The following HSBP1 variants were observed in gnomAD, a reference collection of about 807,000 sequenced individuals.
The protein encoded by HSBP1 is heat shock factor binding protein 1, also known as heat shock factor-binding protein 1.
Under a neutral mutation model 9.6 loss-of-function variants are expected in HSBP1, and 5 were observed. The ratio of observed to expected loss-of-function variants is 0.52; its 90% CI spans 0.27 to 1.09. The LOEUF (loss-of-function observed/expected upper bound fraction) is 1.09. Ranked by LOEUF, HSBP1 falls within the 50% of genes least tolerant of loss-of-function variation. The probability of loss-of-function intolerance (pLI) is 0.11; values close to 1 mark genes in which losing one functional copy is unlikely to be tolerated. For synonymous variants in HSBP1, 42 were observed against 33.3 expected (o/e 1.26, Z -0.90); for missense variants, 121 against 96.3 (o/e 1.26, Z -1.07).
In HSBP1 at chr16:83,818,096, T is replaced by C. The variant is rs566705012; in HGVS notation, c.*6678T>C. 1.4e-4 allele frequency: 21 copies of C among 152,276 alleles called. No homozygotes were observed. Among genetic ancestry groups the C allele is most frequent in the African/African-American group, 5.1e-4 (21 of 41,546 alleles). The allele number at this position is 152,276 out of a possible 1,614,324, so 9.4% of individuals were successfully genotyped here. ...GTCTTGCTTGTAGAATTTTAGAGGT[T>C]CATGGTTACCGTGGGTCGGCACTGG... On this transcript the variant is annotated 3_prime_UTR_variant, in exon 4 of 4. Coordinates refer to ENST00000433866, the MANE Select transcript of HSBP1 (RefSeq NM_001537.4).
At position 83,808,722 on chromosome 16, in the gene HSBP1, A is replaced by T; in HGVS notation, c.88A>T (p.Met30Leu). The stretch of plus-strand genomic sequence containing the variant: ...GCAGATGCAAGATAAATTTCAGACC[A>T]TGTCTGACCAGATCATTGGGAGAAA... ...LQQMQDKFQT[M>L]SDQIIGRIDD... The change falls in exon 2 of 4, where the codon ATG (methionine) becomes TTG (leucine). Residue 30 changes from methionine (M) to leucine (L), a missense_variant. Physicochemically the swap from Met to Leu is conservative, Grantham distance 15 (BLOSUM62 2). Transcript: ENST00000433866. The T allele has an allele frequency of 6.2e-7, 1 of 1,612,246 alleles. No individual in the cohort carries two copies.
chr16:83,808,593 ACCCCGGGACCAGGGCTTGCGT>A, intron 1 of HSBP1, 66 bp from the exon 2 acceptor site: 2 of 1,040,730 alleles, frequency 1.9e-6, no homozygotes, highest in Non-Finnish European at 2.9e-6. Context: ...TGGGGCTGGA[ACCCCGGGACCAGGGCTTGCGT>A]CCTGATCCCA....
rs563661998 is a variant in HSBP1, at chr16:83,815,572, G to C, written c.*4154G>C. 4.0e-5 allele frequency: 6 copies of C among 151,298 alleles called. No individual in the cohort carries two copies. The highest frequency in any genetic ancestry group is 2.0e-4 in the East Asian group (1 of 5,124). 9.4% of individuals were successfully genotyped at this position (151,298 alleles called of 1,614,324 possible). ...TCCTCACACCTGAGGCTCTCACTAA[G>C]AGGTGGCTGGAAGCTCCTCAGACCG... On this transcript the variant is annotated 3_prime_UTR_variant, in exon 4 of 4. Transcript: ENST00000433866.
At position 83,808,026 on chromosome 16, in the gene HSBP1, G is replaced by C; in HGVS notation, c.-51G>C. 6.8e-7 allele frequency: 1 copy of C among 1,475,466 alleles called. No homozygotes were observed. The highest frequency in any genetic ancestry group is 9.1e-7 in the Non-Finnish European group (1 of 1,104,052). The allele number at this position is 1,475,466 out of a possible 1,614,324, so 91.4% of individuals were successfully genotyped here. A position where few individuals can be genotyped will look rare whatever the true frequency, so the allele number is the denominator to read the frequency against. The stretch of plus-strand genomic sequence containing the variant: ...CCCGGGGCGACTGAGCGGACAAACG[G>C]AAGTGTAGGTTACGGTCTGAGACAT... On this transcript the variant is annotated 5_prime_UTR_variant, in exon 1 of 4. Coordinates refer to ENST00000433866, the MANE Select transcript of HSBP1 (RefSeq NM_001537.4).
rs1181315955 is a variant in HSBP1 at position 83,815,555 on chromosome 16, C to G, written c.*4137C>G. The G allele has an allele frequency of 6.6e-6, 1 of 151,956 alleles. No homozygotes were observed. Among genetic ancestry groups the G allele is most frequent in the Middle Eastern group, 3.4e-3 (1 of 294 alleles). The allele number at this position is 151,956 out of a possible 1,614,324, so 9.4% of individuals were successfully genotyped here. ...CGGATCCTAACGCTTGGTCCTCACA[C>G]CTGAGGCTCTCACTAAGAGGTGGCT... On this transcript the variant is annotated 3_prime_UTR_variant, in exon 4 of 4. Coordinates refer to ENST00000433866, the MANE Select transcript of HSBP1 (RefSeq NM_001537.4).
At position 83,812,371 on chromosome 16, in the gene HSBP1, T is replaced by G. The variant is rs1904620286; in HGVS notation, c.*953T>G. The G allele has an allele frequency of 6.6e-6, 1 of 152,340 alleles. No individual in the cohort carries two copies. The highest frequency in any genetic ancestry group is 1.5e-5 in the Non-Finnish European group (1 of 68,040). The allele number at this position is 152,340 out of a possible 1,614,324, so 9.4% of individuals were successfully genotyped here. On this transcript the variant is annotated 3_prime_UTR_variant, in exon 4 of 4. Coordinates refer to ENST00000433866, the MANE Select transcript of HSBP1 (RefSeq NM_001537.4). ...TTACTTAAACTGTTTCTTATCTAAATTCTTGCAGAGTGTCAATGTTATCAT... is the reference window on the plus strand; with the variant it reads ...TTACTTAAACTGTTTCTTATCTAAAGTCTTGCAGAGTGTCAATGTTATCAT...
At position 83,813,124 on chromosome 16, in the gene HSBP1, TG is replaced by T; in HGVS notation, c.*1711del. On this transcript the variant is annotated 3_prime_UTR_variant, in exon 4 of 4. Coordinates refer to ENST00000433866, the MANE Select transcript of HSBP1 (RefSeq NM_001537.4). Reference sequence around the variant, plus strand: ...CAAGGCAAAGCAGGAGAGGGGGTGTTGGGGGAGGTTGCCTGCTGGAAGGGGA... The same window carrying T: ...CAAGGCAAAGCAGGAGAGGGGGTGTTGGGGAGGTTGCCTGCTGGAAGGGGA... The T allele has an allele frequency of 6.6e-6, 1 of 152,222 alleles. No homozygotes were observed. The highest frequency in any genetic ancestry group is 1.5e-5 in the Non-Finnish European group (1 of 68,130). 9.4% of individuals were successfully genotyped at this position (152,222 alleles called of 1,614,324 possible).
chr16:83,810,530 A>AAAC, intron 3 of HSBP1, among the ~76,000 whole-genome samples: 1 of 149,448 alleles, frequency 6.7e-6, no homozygotes, highest in Admixed American at 6.7e-5. Flanking sequence ...TCAAAAAAAA[A>AAAC]AAAAAAAAAA....
rs1022792964 is a variant in HSBP1, at chr16:83,808,127, G to A, written c.45+6G>A. 10 of 1,545,200 alleles carry A rather than the reference G, an allele frequency of 6.5e-6. No homozygotes were observed. In the Admixed American group the frequency reaches 1.2e-4, roughly 18 times the overall value. The stretch of plus-strand genomic sequence containing the variant: ...TGCAGGACCTCACCTCGGTGGTAAG[G>A]GACGGCTGTGAGGGCCGGAGGCCGC... On this transcript the variant is annotated splice_donor_region_variant and intron_variant, in intron 1 of 3. Coordinates refer to ENST00000433866, the MANE Select transcript of HSBP1 (RefSeq NM_001537.4).
rs894143392 is a variant in HSBP1 at position 83,815,223 on chromosome 16, C to G, written c.*3805C>G. On this transcript the variant is annotated 3_prime_UTR_variant, in exon 4 of 4. Coordinates refer to ENST00000433866, the MANE Select transcript of HSBP1 (RefSeq NM_001537.4). ...AGAGGAATTGTGATTGAACATTGCA[C>G]TTATCAACCCTACAAATTAATATGG... 3.9e-5 allele frequency: 6 copies of G among 152,052 alleles called. No individual in the cohort carries two copies. The highest frequency in any genetic ancestry group is 7.3e-5 in the Non-Finnish European group (5 of 68,032). The allele number at this position is 152,052 out of a possible 1,614,324, so 9.4% of individuals were successfully genotyped here. A position where few individuals can be genotyped will look rare whatever the true frequency, so the allele number is the denominator to read the frequency against.
In HSBP1 at chr16:83,814,327, T is replaced by A. The variant is rs1904670180; in HGVS notation, c.*2909T>A. ...ATCCTCACAACAACACTGAGAGGTT[T>A]TCATTTGATGAGTCATATTTAAAGA... On this transcript the variant is annotated 3_prime_UTR_variant, in exon 4 of 4. Coordinates refer to ENST00000433866, the MANE Select transcript of HSBP1 (RefSeq NM_001537.4). 6.6e-6 allele frequency: 1 copy of A among 152,276 alleles called. No individual in the cohort carries two copies. The highest frequency in any genetic ancestry group is 6.5e-5 in the Admixed American group (1 of 15,278). 9.4% of individuals were successfully genotyped at this position (152,276 alleles called of 1,614,324 possible). A position where few individuals can be genotyped will look rare whatever the true frequency, so the allele number is the denominator to read the frequency against.
chr16:83,808,622 C>T, intron 1 of HSBP1, 58 bp from the exon 2 acceptor site: 2 of 1,412,140 alleles, frequency 1.4e-6, no homozygotes, highest in Non-Finnish European at 2.0e-6. Flanking sequence ...CGTCCTGATC[C>T]CAGGAAGTTG....
intron 2 of HSBP1, 36 bp downstream of exon 2, chr16:83,808,782 C>T (rs774376670): frequency 6.0e-6 from 9 of 1,509,766 alleles, no homozygotes; most frequent in Non-Finnish European, 8.2e-6. Flanking sequence ...TCCTGTGGGC[C>T]TTTGGAGCCT....
chr16:83,808,788 AGCCTATTT>A (rs1304366698), intron 2 of HSBP1, 42 bp downstream of exon 2: 1 of 1,477,898 alleles, frequency 6.8e-7, no homozygotes, highest in Admixed American at 1.8e-5. Context: ...GGGCCTTTGG[AGCCTATTT>A]GCCGGGCAGT....
chr16:83,817,549 T>A lies in HSBP1; in HGVS notation c.*6131T>A, dbSNP rs1904749466. On this transcript the variant is annotated 3_prime_UTR_variant, in exon 4 of 4. Coordinates refer to ENST00000433866, the MANE Select transcript of HSBP1 (RefSeq NM_001537.4). ...GTTTTCCAGCTGGAATTCATCTCCC[T>A]CTAATCAGCCTTCAAAACCTCCATT... 6.6e-6 allele frequency: 1 copy of A among 152,218 alleles called. No individual in the cohort carries two copies. Among genetic ancestry groups the A allele is most frequent in the Admixed American group, 6.5e-5 (1 of 15,290 alleles). 9.4% of individuals were successfully genotyped at this position (152,218 alleles called of 1,614,324 possible). A position where few individuals can be genotyped will look rare whatever the true frequency, so the allele number is the denominator to read the frequency against.
At position 83,814,481 on chromosome 16, in the gene HSBP1, C is replaced by G. The variant is rs112225384; in HGVS notation, c.*3063C>G. 0.021 allele frequency: 3,237 copies of G among 152,628 alleles called. 125 individuals carry two copies. The highest frequency in any genetic ancestry group is 0.075 in the African/African-American group (3,102 of 41,516). 9.5% of individuals were successfully genotyped at this position (152,628 alleles called of 1,614,324 possible). A position where few individuals can be genotyped will look rare whatever the true frequency, so the allele number is the denominator to read the frequency against. On this transcript the variant is annotated 3_prime_UTR_variant, in exon 4 of 4. Coordinates refer to ENST00000433866, the MANE Select transcript of HSBP1 (RefSeq NM_001537.4). ...TGACCGTCTCACAGCTGCACACCTGCACCGCTCACGAGCACAGCTGACCGT... is the reference window on the plus strand; with the variant it reads ...TGACCGTCTCACAGCTGCACACCTGGACCGCTCACGAGCACAGCTGACCGT...
rs1291496153 is a variant in HSBP1, at chr16:83,814,964, C to T, written c.*3546C>T. 6.6e-6 allele frequency: 1 copy of T among 152,120 alleles called. No homozygotes were observed. Among genetic ancestry groups the T allele is most frequent in the African/African-American group, 2.4e-5 (1 of 41,410 alleles). The allele number at this position is 152,120 out of a possible 1,614,324, so 9.4% of individuals were successfully genotyped here. A position where few individuals can be genotyped will look rare whatever the true frequency, so the allele number is the denominator to read the frequency against. On this transcript the variant is annotated 3_prime_UTR_variant, in exon 4 of 4. Coordinates refer to ENST00000433866, the MANE Select transcript of HSBP1 (RefSeq NM_001537.4). ...CGGGGGATAAAAAGACACCCCCCCG[C>T]CACTCCGTGACCTATTAGCTTACCA...
At chr16:83,809,904 G>A (rs1597254648) in intron 3 of HSBP1, among the ~76,000 whole-genome samples, 2 of 152,104 alleles carry the variant, frequency 1.3e-5, no homozygotes, top group African/African-American at 4.8e-5. Context: ...TGGACTTGAT[G>A]TTTTGAAATT....
At position 83,818,474 on chromosome 16, in the gene HSBP1, C is replaced by T. The variant is rs1273053761; in HGVS notation, c.*7056C>T. ...TTGTGGACAAGATTTGCTAGTAATG[C>T]TTCCAACAAGTTACCGTTTAGCAAG... is the stretch of plus-strand genomic sequence containing the variant. On this transcript the variant is annotated 3_prime_UTR_variant, in exon 4 of 4. Transcript: ENST00000433866. The T allele has an allele frequency of 6.6e-6, 1 of 152,196 alleles. No homozygotes were observed. Among genetic ancestry groups the T allele is most frequent in the Non-Finnish European group, 1.5e-5 (1 of 68,042 alleles). The allele number at this position is 152,196 out of a possible 1,614,324, so 9.4% of individuals were successfully genotyped here.
Sources: gnomAD v4.1 joint callset for allele counts (sites outside exome capture counted in the v4.1 genomes callset) on GRCh38, gnomAD v4.1.1 for gene constraint, MANE v1.5 for transcripts, NCBI Gene and HGNC (gene_info 2026-07-23, HGNC 2026-07-21) for gene names.